GBF1: variants seen among roughly 807,000 people sequenced by gnomAD.
GBF1 encodes the protein Golgi-specific brefeldin A-resistance guanine nucleotide exchange factor 1.
A neutral mutation model predicts 210.5 loss-of-function variants in GBF1; 114 were observed. The ratio of observed to expected loss-of-function variants is 0.54; its 90% CI spans 0.47 to 0.63. The LOEUF is 0.63. Ranked by LOEUF, GBF1 falls within the 30% of genes least tolerant of loss-of-function variation. GBF1 has a pLI of 0.00. For synonymous variants in GBF1, 850 were observed against 889.2 expected, an observed-to-expected ratio of 0.96 and a Z score of 0.78; for missense variants, 1,851 against 2,357.7, an observed-to-expected ratio of 0.79 and a Z score of 4.45.
chr10:102,264,610 C>T (rs752944963), intron 3 of GBF1, among the ~76,000 whole-genome samples: 1 of 152,120 alleles, frequency 6.6e-6, no homozygotes, highest in Non-Finnish European at 1.5e-5. Flanking sequence ...TGTCAAGCTG[C>T]GCCCTTTATA....
At chr10:102,312,863 C>A (rs896619273) in intron 3 of GBF1, among the ~76,000 whole-genome samples, 2 of 152,156 alleles carry the variant, frequency 1.3e-5, no homozygotes, top group African/African-American at 4.8e-5. Flanking sequence ...ATACTGGCAT[C>A]ATGAGTTTCC....
At chr10:102,380,978 G>A in intron 38 of GBF1, 149 bp from the exon 39 acceptor site, 3 of 719,816 alleles carry the variant, frequency 4.2e-6, no homozygotes, top group Non-Finnish European at 7.0e-6. Flanking sequence ...CTGAGTGACA[G>A]AACGAGATTC....
At chr10:102,326,379 GGT>G (rs1370164792) in intron 3 of GBF1, among the ~76,000 whole-genome samples, 12 of 152,336 alleles carry the variant, frequency 7.9e-5, no homozygotes, top group African/African-American at 2.9e-4. Context: ...GGGGCACTGA[GGT>G]GGCAGTTCAG....
rs546158147 is a variant in GBF1 at position 102,358,111 on chromosome 10, C to T, written c.712C>T (p.Arg238Cys). Residue 238 changes from arginine to cysteine, a missense_variant, in exon 9 of 40, where the codon CGC (arginine) becomes TGC (cysteine). Transcript: ENST00000369983. ...ACAGAAGAGATCCCCTCGGCCCCCACGCCATATGACCAAAGTCACACCAGG... is the reference window on the plus strand; with the variant it reads ...ACAGAAGAGATCCCCTCGGCCCCCATGCCATATGACCAAAGTCACACCAGG... ...KKQKRSPRPP[R>C]HMTKVTPGSE... 57 of 1,610,624 alleles carry T rather than the reference C, an allele frequency of 3.5e-5. No individual in the cohort carries two copies. Among genetic ancestry groups the T allele is most frequent in the Middle Eastern group, 1.7e-4 (1 of 6,054 alleles).
intron 3 of GBF1, among the ~76,000 whole-genome samples, chr10:102,317,778 CATGTT>C (rs2055960874): frequency 6.6e-6 from 1 of 152,116 alleles, no homozygotes; most frequent in South Asian, 2.1e-4. Flanking sequence ...CTTCTTTTAT[CATGTT>C]ATGGGCATTG....
At chr10:102,251,737 G>T (rs1338550121) in intron 1 of GBF1, among the ~76,000 whole-genome samples, 3 of 152,100 alleles carry the variant, frequency 2.0e-5, no homozygotes, top group African/African-American at 7.2e-5. Context: ...TTTATGTTTT[G>T]TAGAGACAGG....
At chr10:102,232,501 G>A in the GBF1 span, among the ~76,000 whole-genome samples, 2 of 152,142 alleles carry the variant, frequency 1.3e-5, no homozygotes, top group African/African-American at 4.8e-5. Context: ...TGGCCAACAT[G>A]GTAAAATCCC....
chr10:102,380,290 C>T lies in GBF1; in HGVS notation c.4920C>T (p.Thr1640=). Residue 1640 remains threonine (T), a synonymous_variant, in exon 37 of 40, where the codon ACC becomes ACT. Coordinates refer to ENST00000369983, the MANE Select transcript of GBF1 (RefSeq NM_001377137.1). ...QHLSPLLSLS[T]FAALWLTILD... is the part of the protein sequence containing the mutation. ...TGTCTCCACTGCTGTCACTCTCTAC[C>T]TTTGCGGCCCTCTGGCTCACCATCT... is the stretch of plus-strand genomic sequence containing the variant. The T allele has an allele frequency of 1.2e-6, 2 of 1,614,092 alleles. No individual in the cohort carries two copies. Among genetic ancestry groups the T allele is most frequent in the Non-Finnish European group, 1.7e-6 (2 of 1,179,974 alleles).
chr10:102,281,071 A>C (rs1318064811), intron 3 of GBF1, among the ~76,000 whole-genome samples: 1 of 152,062 alleles, frequency 6.6e-6, no homozygotes. Context: ...GGGAGTAGAG[A>C]TCAGATCTGT....
rs180677952 is a variant in GBF1, at chr10:102,330,504, C to T, written c.164-13547C>T. 2.7e-3 allele frequency among the ~76,000 whole-genome samples: 414 copies of T among 151,920 alleles called. 5 individuals carry two copies. Among genetic ancestry groups the T allele is most frequent in the South Asian group, 8.3e-3 (40 of 4,804 alleles). ...TTCAAGACCAGCCTGGCCAACATGG[C>T]GAAACCCCGTCTCTACTAAAAATAC... On this transcript the variant is annotated intron_variant, in intron 3 of 39. Transcript: ENST00000369983.
chr10:102,364,666 C>T (rs943240347), intron 17 of GBF1, among the ~76,000 whole-genome samples: 4 of 151,096 alleles, frequency 2.6e-5, no homozygotes, highest in African/African-American at 7.3e-5. Context: ...CTGGCTAACA[C>T]GATGAAACCC....
the GBF1 span, among the ~76,000 whole-genome samples, chr10:102,235,189 C>A: frequency 6.9e-6 from 1 of 145,100 alleles, no homozygotes; most frequent in Non-Finnish European, 1.5e-5. Context: ...ACCCCCCCAC[C>A]GCCTCCCTGG....
intron 3 of GBF1, among the ~76,000 whole-genome samples, chr10:102,312,607 C>T (rs533248066): frequency 1.4e-3 from 220 of 152,324 alleles, no homozygotes; most frequent in African/African-American, 5.2e-3. Context: ...GTCGTCTATG[C>T]AGGTTAAAAG....
intron 3 of GBF1, among the ~76,000 whole-genome samples, chr10:102,279,830 C>A (rs771832664): frequency 8.5e-5 from 13 of 152,124 alleles, no homozygotes; most frequent in Non-Finnish European, 1.8e-4. Context: ...TTCGAGGGAA[C>A]CTTGCCCTCA....
At chr10:102,269,621 T>C (rs1004521540) in intron 3 of GBF1, among the ~76,000 whole-genome samples, 1 of 152,168 alleles carries the variant, frequency 6.6e-6, no homozygotes, top group African/African-American at 2.4e-5. Flanking sequence ...CAGATTATTT[T>C]TTGTTTTCAA....
intron 3 of GBF1, among the ~76,000 whole-genome samples, chr10:102,294,883 T>A (rs970857906): frequency 3.3e-5 from 5 of 152,224 alleles, no homozygotes; most frequent in African/African-American, 9.6e-5. Context: ...AAGCATACTC[T>A]ATGATTTTTG....
Position 102,366,307 on chromosome 10 carries a change from G to T in GBF1, c.2310-76G>T. The T allele has an allele frequency of 6.5e-7, 1 of 1,535,532 alleles. No homozygotes were observed. The highest frequency in any genetic ancestry group is 1.1e-5 in the South Asian group (1 of 87,982). On this transcript the variant is annotated intron_variant, in intron 18 of 39. Coordinates refer to ENST00000369983, the MANE Select transcript of GBF1 (RefSeq NM_001377137.1). This position sits in a 1 kb window ranked among gnomAD's most constrained non-coding sequence, Gnocchi z 4.0. ...CCTCTCTTCCAGTAAGAGTAGGTTA[G>T]GAGGACAGTGACTAAAAGAGCCTGA...
At chr10:102,294,417 T>C (rs545672419) in intron 3 of GBF1, among the ~76,000 whole-genome samples, 1 of 151,126 alleles carries the variant, frequency 6.6e-6, no homozygotes, top group African/African-American at 2.4e-5. Context: ...AGTCTTGCTC[T>C]GTCGCCCAGG....
intron 3 of GBF1, among the ~76,000 whole-genome samples, chr10:102,311,804 T>C (rs928051321): frequency 3.3e-5 from 5 of 152,108 alleles, no homozygotes; most frequent in Non-Finnish European, 7.4e-5. Flanking sequence ...GAACTGAGGG[T>C]TTATTGGTTC....
Sources: gnomAD v4.1 joint callset for allele counts (sites outside exome capture counted in the v4.1 genomes callset) on GRCh38, gnomAD v4.1.1 for gene constraint, Gnocchi (gnomAD v3.1) non-coding constraint, MANE v1.5 for transcripts, NCBI Gene and HGNC (gene_info 2026-07-23, HGNC 2026-07-21) for gene names.